KSR2: variants seen among roughly 807,000 people sequenced by gnomAD.
KSR2 encodes kinase suppressor of ras 2.
A neutral mutation model predicts 107.8 loss-of-function variants in KSR2; 25 were observed. The observed-to-expected ratio is 0.23, with a 90% CI of 0.17 to 0.32. The LOEUF (loss-of-function observed/expected upper bound fraction) is 0.32. Among genes scored for constraint, KSR2 ranks in the 10% least tolerant of loss-of-function variants. The probability of loss-of-function intolerance (pLI) is 1.00; values close to 1 mark genes in which losing one functional copy is unlikely to be tolerated. For missense variants in KSR2, 887 were observed against 1,268.9 expected (o/e 0.70, Z 4.57); for synonymous variants, 480 against 507.0 (o/e 0.95, Z 0.71).
chr12:117,908,604 G>A (rs1894923388), intron 1 of KSR2, among the ~76,000 whole-genome samples: 1 of 152,160 alleles, frequency 6.6e-6, no homozygotes, highest in African/African-American at 2.4e-5. Flanking sequence ...GTAGTTCAAT[G>A]TGCTGTCACT....
At chr12:117,923,036 G>T (rs990818387) in intron 1 of KSR2, among the ~76,000 whole-genome samples, 11 of 152,072 alleles carry the variant, frequency 7.2e-5, no homozygotes, top group African/African-American at 2.4e-4. Context: ...TACTTTTTTG[G>T]TGACTTCACT....
intron 14 of KSR2, among the ~76,000 whole-genome samples, chr12:117,523,283 GC>G (rs1393170203): frequency 6.6e-6 from 1 of 152,288 alleles, no homozygotes; most frequent in Non-Finnish European, 1.5e-5. Flanking sequence ...TCTGTTCTGG[GC>G]CTGGTAAGAT....
chr12:117,519,580 G>T (rs1038064617), intron 14 of KSR2, among the ~76,000 whole-genome samples: 4 of 152,080 alleles, frequency 2.6e-5, no homozygotes, highest in African/African-American at 9.7e-5. Flanking sequence ...TGACGTGGGG[G>T]CTTCTGTGAG....
At chr12:117,844,862 C>T (rs1216341091) in intron 3 of KSR2, among the ~76,000 whole-genome samples, 1 of 152,120 alleles carries the variant, frequency 6.6e-6, no homozygotes, top group African/African-American at 2.4e-5. Flanking sequence ...TTCTCAAAAA[C>T]CTGGCCAGGC....
chr12:117,497,515 A>G lies in KSR2; in HGVS notation c.2220-11824T>C, dbSNP rs58111113. ...CAGCATCATCATCCTGTTTAGGATG[A>G]CGACCATCTTTAGAGGGCCTACCAG... On this transcript the variant is annotated intron_variant, in intron 14 of 19. Transcript: ENST00000339824. Among the ~76,000 whole-genome samples the G allele has an allele frequency of 9.6e-3, 1,458 of 152,242 alleles. 25 individuals are homozygous for G. Among genetic ancestry groups the G allele is most frequent in the South Asian group, 0.029 (139 of 4,814 alleles).
At chr12:117,800,631 G>A (rs200135362) in intron 3 of KSR2, among the ~76,000 whole-genome samples, 22 of 152,036 alleles carry the variant, frequency 1.4e-4, no homozygotes, top group African/African-American at 3.6e-4. Flanking sequence ...TGTGCTGAAC[G>A]TGCAGGTTTG....
chr12:117,453,331 AAGAG>A lies in KSR2; in HGVS notation c.*13864_*13867del, dbSNP rs1411241478. 1 of 152,580 alleles carries A rather than the reference AAGAG, an allele frequency of 6.6e-6. No homozygotes were observed. 9.5% of individuals were successfully genotyped at this position (152,580 alleles called of 1,614,324 possible). ...AACAAGACATTGGCAACAAGTGAGAAAGAGAGAGACAGAGACGGAGACAGACAGA... is the reference window on the plus strand; with the variant it reads ...AACAAGACATTGGCAACAAGTGAGAAAGAGACAGAGACGGAGACAGACAGA... On this transcript the variant is annotated 3_prime_UTR_variant, in exon 20 of 20. Coordinates refer to ENST00000339824, the MANE Select transcript of KSR2 (RefSeq NM_173598.6).
At chr12:117,589,507 A>G (rs991976236) in intron 5 of KSR2, among the ~76,000 whole-genome samples, 19 of 152,114 alleles carry the variant, frequency 1.2e-4, no homozygotes, top group African/African-American at 4.6e-4. Context: ...GCCCAGGGAC[A>G]TGACAGACTG....
chr12:117,861,474 C>T (rs1226914255), intron 1 of KSR2, among the ~76,000 whole-genome samples: 1 of 148,940 alleles, frequency 6.7e-6, no homozygotes, highest in African/African-American at 2.5e-5. Context: ...CTGCAAGCTC[C>T]GCCTCCCGGG....
rs556674870 is a variant in KSR2 at position 117,886,095 on chromosome 12, CAA to C, written c.181-25666_181-25665del. On this transcript the variant is annotated intron_variant, in intron 1 of 19. Coordinates refer to ENST00000339824, the MANE Select transcript of KSR2 (RefSeq NM_173598.6). ...TGGGCAACAGACTGAGACTCCGTCT[CAA>C]AAAAAAAAAAAACCTGCACATTCTG... Among the ~76,000 whole-genome samples the C allele has an allele frequency of 4.7e-3, 490 of 105,340 alleles. 10 individuals are homozygous for C. In the East Asian group the frequency reaches 0.056, roughly 12 times the overall value. The allele number at this position is 105,340 out of a possible 152,430, so 69.1% of individuals were successfully genotyped here.
At chr12:117,928,726 T>C (rs1239600242) in intron 1 of KSR2, among the ~76,000 whole-genome samples, 1 of 152,212 alleles carries the variant, frequency 6.6e-6, no homozygotes, top group Non-Finnish European at 1.5e-5. Flanking sequence ...TACATTTAAT[T>C]TTTTTGAAGA....
intron 4 of KSR2, among the ~76,000 whole-genome samples, chr12:117,710,599 T>C (rs999148581): frequency 1.3e-5 from 2 of 152,084 alleles, no homozygotes; most frequent in African/African-American, 2.4e-5. Flanking sequence ...GCCAGCCGTA[T>C]GGGTGGGGTT....
At chr12:117,677,222 G>A (rs1282719707) in intron 4 of KSR2, 1 of 152,066 alleles carries the variant, frequency 6.6e-6, no homozygotes, top group East Asian at 1.9e-4. Context: ...GCTGAATTTT[G>A]TCCCCCTCAA....
chr12:117,473,696 A>G (rs545564477), intron 17 of KSR2, among the ~76,000 whole-genome samples: 22 of 152,190 alleles, frequency 1.4e-4, no homozygotes, highest in Non-Finnish European at 2.8e-4. Context: ...CAATTCTTAG[A>G]ACACCTCAAT....
At chr12:117,853,528 G>C (rs1357194118) in intron 3 of KSR2, among the ~76,000 whole-genome samples, 1 of 151,994 alleles carries the variant, frequency 6.6e-6, no homozygotes, top group Admixed American at 6.6e-5. Flanking sequence ...TTTTGGTAGA[G>C]GTAGAGTCTC....
chr12:117,824,774 A>G (rs1270462113), intron 3 of KSR2, among the ~76,000 whole-genome samples: 2 of 149,820 alleles, frequency 1.3e-5, no homozygotes, highest in Non-Finnish European at 1.5e-5. Context: ...GGAGAATGGC[A>G]TGAACCCGGG....
intron 1 of KSR2, among the ~76,000 whole-genome samples, chr12:117,924,117 A>G (rs939573033): frequency 1.1e-4 from 17 of 151,454 alleles, no homozygotes; most frequent in African/African-American, 3.9e-4. Flanking sequence ...ACCACAGGTG[A>G]TCCTCCCACC....
rs1420115330 is a variant in KSR2, at chr12:117,459,652, T to C, written c.*7547A>G. The C allele has an allele frequency of 6.6e-6, 1 of 152,256 alleles. No individual in the cohort carries two copies. The highest frequency in any genetic ancestry group is 1.5e-5 in the Non-Finnish European group (1 of 68,052). The allele number at this position is 152,256 out of a possible 1,614,324, so 9.4% of individuals were successfully genotyped here. A position where few individuals can be genotyped will look rare whatever the true frequency, so the allele number is the denominator to read the frequency against. ...CCTTCTGAGGGTGTTACATCTTATA[T>C]ACTTTTCACATTGGCCTCCAAGCCA... On this transcript the variant is annotated 3_prime_UTR_variant, in exon 20 of 20. Transcript: ENST00000339824.
At chr12:117,796,748 G>A (rs1890644222) in intron 3 of KSR2, among the ~76,000 whole-genome samples, 2 of 152,136 alleles carry the variant, frequency 1.3e-5, no homozygotes, top group Non-Finnish European at 2.9e-5. Context: ...CCTTAACAAG[G>A]TGGCTTAAGG....
Sources: allele counts gnomAD v4.1 joint callset (sites outside exome capture counted in the v4.1 genomes callset), GRCh38; gene constraint gnomAD v4.1.1; transcripts MANE v1.5; gene names NCBI Gene and HGNC (gene_info 2026-07-23, HGNC 2026-07-21).